Variants in PCDH15 observed in about 807,000 individuals in gnomAD.
PCDH15 encodes protocadherin related 15, also known as protocadherin-15.
In PCDH15, 129 loss-of-function variants were observed where a neutral mutation model predicts 178.5. That is an observed-to-expected ratio of 0.72 (90% CI 0.63 to 0.84). The LOEUF (loss-of-function observed/expected upper bound fraction) is 0.84. Ranked by LOEUF, PCDH15 falls within the 40% of genes least tolerant of loss-of-function variation. The pLI is 0.00. For synonymous variants in PCDH15, 800 were observed against 732.0 expected, an observed-to-expected ratio of 1.09 and a Z score of -1.50; for missense variants, 2,230 against 2,099.9, an observed-to-expected ratio of 1.06 and a Z score of -1.21.
At chr10:55,429,163 C>A (rs1206918656) in intron 2 of PCDH15, among the ~76,000 whole-genome samples, 1 of 151,960 alleles carries the variant, frequency 6.6e-6, no homozygotes, top group African/African-American at 2.4e-5. Context: ...ATGTAGTAAC[C>A]ATTTCTAGTG....
chr10:54,655,288 G>GAGAGAGAGAGAGAGAC (rs1565866133), intron 2 of PCDH15, among the ~76,000 whole-genome samples: 1 of 127,278 alleles, frequency 7.9e-6, no homozygotes, highest in African/African-American at 2.9e-5. Context: ...GAGAGAGAGA[G>GAGAGAGAGAGAGAGAC]AGAGAGAGAG....
At chr10:55,567,567 T>C (rs758952258) in intron 2 of PCDH15, among the ~76,000 whole-genome samples, 1 of 151,702 alleles carries the variant, frequency 6.6e-6, no homozygotes, top group Non-Finnish European at 1.5e-5. Context: ...ATTCAGAATA[T>C]ACAGAGCACT....
intron 3 of PCDH15, 75 bp downstream of exon 3, chr10:54,527,737 C>G: frequency 1.6e-6 from 2 of 1,258,760 alleles, no homozygotes; most frequent in Non-Finnish European, 2.3e-6. Flanking sequence ...TACCTCTACT[C>G]ATAGTAGATT....
At chr10:55,623,811 GA>G (rs887445686) in intron 2 of PCDH15, among the ~76,000 whole-genome samples, 4 of 151,272 alleles carry the variant, frequency 2.6e-5, no homozygotes, top group South Asian at 4.2e-4. Flanking sequence ...TTGGCTTGAA[GA>G]AAAAAAGTGT....
At chr10:55,348,507 T>G (rs1317892596) in intron 2 of PCDH15, among the ~76,000 whole-genome samples, 3 of 152,122 alleles carry the variant, frequency 2.0e-5, no homozygotes, top group Non-Finnish European at 4.4e-5. Flanking sequence ...AACAAACCCC[T>G]GCTCACATAT....
At chr10:54,132,268 TA>T (rs2042500592) in intron 15 of PCDH15, among the ~76,000 whole-genome samples, 1 of 152,150 alleles carries the variant, frequency 6.6e-6, no homozygotes, top group Admixed American at 6.5e-5. Flanking sequence ...TGGTCAGAAA[TA>T]TATAAACAGT....
At chr10:55,067,285 C>A (rs1249323276) in intron 2 of PCDH15, among the ~76,000 whole-genome samples, 1 of 151,944 alleles carries the variant, frequency 6.6e-6, no homozygotes, top group Non-Finnish European at 1.5e-5. Flanking sequence ...TCTGTGTGTC[C>A]ATGAGATCAA....
rs75962342 is a variant in PCDH15 at position 54,904,503 on chromosome 10, T to C, written c.-79-7003A>G. ...AAATCTCAGGTTGGAACAAAATCTATATAATAAGATGACAAAATACTTTCA... is the reference window on the plus strand; with the variant it reads ...AAATCTCAGGTTGGAACAAAATCTACATAATAAGATGACAAAATACTTTCA... On this transcript the variant is annotated intron_variant, in intron 2 of 5. Coordinates refer to the PCDH15 transcript ENST00000458638. Among the ~76,000 whole-genome samples, 104 of 152,166 alleles carry C rather than the reference T, an allele frequency of 6.8e-4. 1 individual carries two copies. Among genetic ancestry groups the C allele is most frequent in the African/African-American group, 2.4e-3 (101 of 41,550 alleles).
intron 1 of PCDH15, among the ~76,000 whole-genome samples, chr10:55,256,562 A>T (rs1842003538): frequency 6.6e-6 from 1 of 152,208 alleles, no homozygotes; most frequent in Non-Finnish European, 1.5e-5. Flanking sequence ...GGCAAACGGC[A>T]CACCAGGAGA....
chr10:53,948,529 A>G (rs1231970570), intron 23 of PCDH15, among the ~76,000 whole-genome samples: 1 of 152,202 alleles, frequency 6.6e-6, no homozygotes, highest in Non-Finnish European at 1.5e-5. Flanking sequence ...ACCAGAGGTA[A>G]AAAGCATTCT....
intron 20 of PCDH15, among the ~76,000 whole-genome samples, chr10:54,003,435 T>C (rs1358704774): frequency 6.6e-6 from 1 of 151,882 alleles, no homozygotes. Flanking sequence ...ACATTACAAC[T>C]AATACTGCAG....
chr10:54,119,004 C>A (rs181651254), intron 15 of PCDH15, among the ~76,000 whole-genome samples: 1 of 152,028 alleles, frequency 6.6e-6, no homozygotes, highest in South Asian at 2.1e-4. Context: ...AAATATCCCA[C>A]CTGCATGAAA....
chr10:54,330,077 C>T (rs1326692984), intron 6 of PCDH15, among the ~76,000 whole-genome samples: 1 of 151,872 alleles, frequency 6.6e-6, no homozygotes, highest in Non-Finnish European at 1.5e-5. Context: ...CATTCAAACA[C>T]TGAAATCTGT....
chr10:55,408,370 G>T (rs1838253968), intron 2 of PCDH15, among the ~76,000 whole-genome samples: 2 of 151,926 alleles, frequency 1.3e-5, no homozygotes, highest in African/African-American at 4.8e-5. Flanking sequence ...ATTGTTAGTA[G>T]AGACGGGGAT....
intron 2 of PCDH15, among the ~76,000 whole-genome samples, chr10:55,098,988 C>T (rs1842514716): frequency 6.6e-6 from 1 of 150,640 alleles, no homozygotes; most frequent in Non-Finnish European, 1.5e-5. Flanking sequence ...TAAACTCACT[C>T]TCTTGTGTGT....
In PCDH15 at chr10:55,480,964, C is replaced by T. The variant is rs1052816631; in HGVS notation, c.-156+146661G>A. ...GAATTCAGCTGTGAATCCATCTGGT[C>T]CTGGGCTTTTTTAGGTTGATAGGCT... On this transcript the variant is annotated intron_variant, in intron 2 of 5. Transcript: ENST00000613346. 5.9e-5 allele frequency among the ~76,000 whole-genome samples: 9 copies of T among 151,584 alleles called. No individual in the cohort carries two copies. The South Asian group carries it at 6.2e-4, about 10-fold the overall frequency.
At chr10:55,367,162 C>T (rs1277772203) in intron 2 of PCDH15, among the ~76,000 whole-genome samples, 2 of 151,968 alleles carry the variant, frequency 1.3e-5, no homozygotes, top group Non-Finnish European at 2.9e-5. Context: ...TCATTTGGAG[C>T]TTTTATAGTC....
chr10:54,508,507 A>G (rs2081361418), intron 3 of PCDH15, among the ~76,000 whole-genome samples: 1 of 152,292 alleles, frequency 6.6e-6, no homozygotes, highest in East Asian at 1.9e-4. Context: ...ATAGCATAAC[A>G]TAGCCTACCT....
chr10:53,963,686 T>C (rs751131894), intron 21 of PCDH15, among the ~76,000 whole-genome samples: 19 of 152,174 alleles, frequency 1.2e-4, no homozygotes, highest in Non-Finnish European at 2.2e-4. Context: ...CTATAGATAA[T>C]GGCTCTACCT....
Sources: gnomAD v4.1 joint callset for allele counts (sites outside exome capture counted in the v4.1 genomes callset) on GRCh38, gnomAD v4.1.1 for gene constraint, MANE v1.5 for transcripts, NCBI Gene and HGNC (gene_info 2026-07-23, HGNC 2026-07-21) for gene names.